The following THSD7A variants were observed in gnomAD, a reference collection of about 807,000 sequenced individuals.
The protein encoded by THSD7A is thrombospondin type 1 domain containing 7A, also known as thrombospondin type-1 domain-containing protein 7A.
Under a neutral mutation model 231.3 loss-of-function variants are expected in THSD7A, and 96 were observed. The ratio of observed to expected loss-of-function variants is 0.41; its 90% CI spans 0.35 to 0.49. The LOEUF (loss-of-function observed/expected upper bound fraction) is 0.49, where lower values mean the gene tolerates loss of function less well. Among genes scored for constraint, THSD7A ranks in the 20% least tolerant of loss-of-function variants. The pLI is 0.05. For missense variants in THSD7A, 2,290 were observed against 2,070.2 expected (o/e 1.11, Z -2.06); for synonymous variants, 940 against 743.3 (o/e 1.26, Z -4.30).
intron 1 of THSD7A, among the ~76,000 whole-genome samples, chr7:11,669,365 T>G (rs1783282045): frequency 6.6e-6 from 1 of 151,990 alleles, no homozygotes; most frequent in Admixed American, 6.6e-5. Context: ...TTTTTCTTTC[T>G]TGTATTACAC....
chr7:11,400,108 C>T (rs1051762336), intron 23 of THSD7A, among the ~76,000 whole-genome samples: 9 of 143,210 alleles, frequency 6.3e-5, no homozygotes, highest in African/African-American at 2.1e-4. Flanking sequence ...GGGAATTGAA[C>T]AATGAAAACA....
rs367789079 is a variant in THSD7A at position 11,546,228 on chromosome 7, A to G, written c.1454-3111T>C. ...CTCACACACACACACACACACACAC[A>G]CACGTGGACCCTGCCACACTGCTGC... On this transcript the variant is annotated intron_variant, in intron 4 of 27. Transcript: ENST00000423059. Among the ~76,000 whole-genome samples the G allele has an allele frequency of 1.2e-4, 16 of 136,088 alleles. No individual in the cohort carries two copies. The East Asian group carries it at 2.3e-3, about 20-fold the overall frequency. The allele number at this position is 136,088 out of a possible 152,430, so 89.3% of individuals were successfully genotyped here.
intron 1 of THSD7A, among the ~76,000 whole-genome samples, chr7:11,829,717 T>C (rs970946616): frequency 2.0e-5 from 3 of 152,106 alleles, no homozygotes; most frequent in African/African-American, 4.8e-5. Context: ...TTATGGTATA[T>C]CTTTTTTCTT....
intron 1 of THSD7A, among the ~76,000 whole-genome samples, chr7:11,688,881 GT>G (rs1028145346): frequency 2.0e-5 from 3 of 151,712 alleles, no homozygotes; most frequent in Non-Finnish European, 2.9e-5. Context: ...AGTAAAGTAA[GT>G]AAAATTTAAA....
At chr7:11,391,138 T>G (rs1782964695) in intron 23 of THSD7A, among the ~76,000 whole-genome samples, 1 of 152,238 alleles carries the variant, frequency 6.6e-6, no homozygotes, top group African/African-American at 2.4e-5. Flanking sequence ...GGAGATCTGC[T>G]GCTCTCTTCA....
At chr7:11,687,478 G>A (rs937203522) in intron 1 of THSD7A, among the ~76,000 whole-genome samples, 1 of 151,740 alleles carries the variant, frequency 6.6e-6, no homozygotes, top group Admixed American at 6.6e-5. Flanking sequence ...CTGTGAATAT[G>A]AGCTCAGACA....
At chr7:11,581,564 C>T (rs1791167283) in intron 4 of THSD7A, among the ~76,000 whole-genome samples, 1 of 152,036 alleles carries the variant, frequency 6.6e-6, no homozygotes, top group Admixed American at 6.6e-5. Context: ...TCACATGTTT[C>T]TATCCTTCAA....
At chr7:11,500,986 G>C (rs1787311129) in intron 6 of THSD7A, among the ~76,000 whole-genome samples, 2 of 148,494 alleles carry the variant, frequency 1.3e-5, no homozygotes, top group Non-Finnish European at 3.0e-5. Context: ...CCTAATTTCA[G>C]ACAAAACAGA....
In THSD7A at chr7:11,379,709, C is replaced by G. The variant is rs1782433526; in HGVS notation, c.4511G>C (p.Gly1504Ala). ...QRSDGINVTG[G>A]CLVMSQPDAD... ...ATCAGGCTGGCTCATCACCAAGCAG[C>G]CCCCTGCGGAACAGAAAATCATGTT... The change falls in exon 25 of 28, where the codon GGC becomes GCC. Residue 1504 changes from glycine to alanine, a missense_variant. Transcript: ENST00000423059. The G allele has an allele frequency of 6.3e-7, 1 of 1,585,138 alleles. No individual in the cohort carries two copies. The highest frequency in any genetic ancestry group is 1.3e-5 in the African/African-American group (1 of 74,362).
chr7:11,423,977 G>C (rs987818395), intron 16 of THSD7A, among the ~76,000 whole-genome samples: 1 of 152,126 alleles, frequency 6.6e-6, no homozygotes, highest in Non-Finnish European at 1.5e-5. Context: ...GTTTTATTAA[G>C]GGGATAGACA....
At chr7:11,780,230 C>G (rs746506681) in intron 1 of THSD7A, among the ~76,000 whole-genome samples, 1 of 152,132 alleles carries the variant, frequency 6.6e-6, no homozygotes, top group Admixed American at 6.5e-5. Context: ...TGATTTCCTC[C>G]CAATGGGCCC....
At chr7:11,619,762 G>A (rs1019902036) in intron 2 of THSD7A, among the ~76,000 whole-genome samples, 5 of 151,326 alleles carry the variant, frequency 3.3e-5, no homozygotes, top group Non-Finnish European at 5.9e-5. Context: ...TATGAAGAAA[G>A]GTAGAAAGAA....
At chr7:11,706,111 A>G (rs1780756020) in intron 1 of THSD7A, among the ~76,000 whole-genome samples, 1 of 150,966 alleles carries the variant, frequency 6.6e-6, no homozygotes. Context: ...TTTATTCCAG[A>G]AAGTTTGCTA....
intron 6 of THSD7A, among the ~76,000 whole-genome samples, chr7:11,512,302 T>A (rs1051972134): frequency 1.3e-5 from 2 of 152,228 alleles, no homozygotes; most frequent in African/African-American, 4.8e-5. Flanking sequence ...CTGGAGAGGA[T>A]GTGGGGAAAT....
At chr7:11,774,486 TTACACACACA>T (rs908459992) in intron 1 of THSD7A, among the ~76,000 whole-genome samples, 26 of 96,316 alleles carry the variant, frequency 2.7e-4, no homozygotes, top group African/African-American at 1.3e-3. Context: ...TTAAGCATTC[TTACACACACA>T]CACACACACA....
In THSD7A at chr7:11,637,124, G is replaced by C. The variant is rs78016701; in HGVS notation, c.191-163C>G. On this transcript the variant is annotated intron_variant, in intron 1 of 27. Coordinates refer to ENST00000423059, the MANE Select transcript of THSD7A (RefSeq NM_015204.3). This position sits in a 1 kb window ranked among gnomAD's most constrained non-coding sequence, Gnocchi z 4.2. ...GTTGGAAAGTAATGATCCTCGCTAA[G>C]TATTTTTGCAAAAGGGGAACTGTGT... is the stretch of plus-strand genomic sequence containing the variant. Among the ~76,000 whole-genome samples, 729 of 152,292 alleles carry C rather than the reference G, an allele frequency of 4.8e-3. 5 individuals carry two copies. Among genetic ancestry groups the C allele is most frequent in the African/African-American group, 0.017 (709 of 41,562 alleles).
At chr7:11,678,273 C>T (rs1360195090) in intron 1 of THSD7A, among the ~76,000 whole-genome samples, 1 of 151,968 alleles carries the variant, frequency 6.6e-6, no homozygotes, top group East Asian at 1.9e-4. Flanking sequence ...GCTAACATCA[C>T]AATTAAAAGA....
chr7:11,716,637 T>C (rs918800850), intron 1 of THSD7A, among the ~76,000 whole-genome samples: 1 of 151,580 alleles, frequency 6.6e-6, no homozygotes, highest in Non-Finnish European at 1.5e-5. Context: ...TAGGGGTTTT[T>C]TTAAATCTTT....
At chr7:11,442,879 C>T (rs1054153117) in intron 13 of THSD7A, among the ~76,000 whole-genome samples, 14 of 152,024 alleles carry the variant, frequency 9.2e-5, no homozygotes, top group Non-Finnish European at 1.9e-4. Flanking sequence ...GGAATCCCCA[C>T]GAAGTCAATG....
Sources: allele counts gnomAD v4.1 joint callset (sites outside exome capture counted in the v4.1 genomes callset), GRCh38; gene constraint gnomAD v4.1.1; non-coding constraint Gnocchi (gnomAD v3.1); transcripts MANE v1.5; gene names NCBI Gene and HGNC (gene_info 2026-07-23, HGNC 2026-07-21).